The following SYNPO2 variants were observed in gnomAD, a reference collection of about 807,000 sequenced individuals.
SYNPO2 encodes synaptopodin-2.
SYNPO2 carries 56 observed loss-of-function variants against 85.0 expected under a neutral mutation model. That is an observed-to-expected ratio of 0.66 (90% confidence interval 0.53 to 0.82). SYNPO2 has a LOEUF of 0.82. Among genes scored for constraint, SYNPO2 ranks in the 40% least tolerant of loss-of-function variants. The pLI, the probability that SYNPO2 is intolerant of heterozygous loss-of-function variation, is 0.00. For synonymous variants in SYNPO2, 602 were observed against 591.1 expected (o/e 1.02, Z -0.27); for missense variants, 1,575 against 1,534.2 (o/e 1.03, Z -0.44).
At position 119,057,772 on chromosome 4, in the gene SYNPO2, C is replaced by T; in HGVS notation, c.3624C>T (p.Ser1208=). Reference sequence around the variant, plus strand: ...ATGTCACAGCCAATAATAATATGTCCACCACCTCCCAATATGGTTCACAGT... The same window carrying T: ...ATGTCACAGCCAATAATAATATGTCTACCACCTCCCAATATGGTTCACAGT... The part of the protein sequence containing the change: ...EYNVTANNNM[S]TTSQYGSQLP... The change falls in exon 5 of 5, where the codon TCC becomes TCT. Residue 1208 remains serine, a synonymous_variant. Coordinates refer to ENST00000307142, the MANE Select transcript of SYNPO2 (RefSeq NM_133477.3). 2 of 1,614,062 alleles carry T rather than the reference C, an allele frequency of 1.2e-6. No homozygotes were observed. The highest frequency in any genetic ancestry group is 1.7e-6 in the Non-Finnish European group (2 of 1,180,000).
intron 1 of SYNPO2, among the ~76,000 whole-genome samples, chr4:119,014,534 T>C (rs1737453636): frequency 6.6e-6 from 1 of 152,230 alleles, no homozygotes; most frequent in Non-Finnish European, 1.5e-5. Context: ...TAACATGCAG[T>C]AGGTTTGCTA....
intron 1 of SYNPO2, among the ~76,000 whole-genome samples, chr4:118,938,068 C>T (rs1473200804): frequency 6.6e-6 from 1 of 152,070 alleles, no homozygotes; most frequent in Non-Finnish European, 1.5e-5. Context: ...TTTGGAAGGC[C>T]GAGGCAGGTA....
At chr4:118,883,532 G>T (rs538453974) in intron 1 of SYNPO2, among the ~76,000 whole-genome samples, 65 of 152,222 alleles carry the variant, frequency 4.3e-4, no homozygotes, top group African/African-American at 1.6e-3. Flanking sequence ...GATAGAATGG[G>T]TATTATTTGT....
intron 1 of SYNPO2, among the ~76,000 whole-genome samples, chr4:118,935,260 C>T (rs1305854342): frequency 6.6e-6 from 1 of 152,124 alleles, no homozygotes; most frequent in African/African-American, 2.4e-5. Flanking sequence ...ATAACTTTAA[C>T]AGCAGCTTGC....
intron 1 of SYNPO2, among the ~76,000 whole-genome samples, chr4:118,925,207 A>C (rs1733672699): frequency 6.6e-6 from 1 of 152,282 alleles, no homozygotes; most frequent in South Asian, 2.1e-4. Flanking sequence ...TGTTTTAGGG[A>C]GACATGAGGA....
intron 1 of SYNPO2, among the ~76,000 whole-genome samples, chr4:118,931,973 G>C (rs1733946194): frequency 6.6e-6 from 1 of 152,148 alleles, no homozygotes; most frequent in Non-Finnish European, 1.5e-5. Context: ...ATTTCTACTT[G>C]TTTTAAACTC....
chr4:118,888,845 C>A, upstream of SYNPO2: 1 of 622,638 alleles, frequency 1.6e-6, no homozygotes, highest in South Asian at 1.9e-5. Flanking sequence ...GAGAATGAGC[C>A]CATTAGCCGC....
intron 4 of SYNPO2, chr4:119,035,837 A>G (rs1738489514): frequency 1.2e-5 from 12 of 978,224 alleles, no homozygotes; most frequent in Non-Finnish European, 1.3e-5. Flanking sequence ...AAAAAAAAAC[A>G]CCTGATCTAC....
rs1236777833 is a variant in SYNPO2, at chr4:119,026,930, G to T, written c.561G>T (p.Lys187Asn). 5.0e-6 allele frequency: 8 copies of T among 1,614,054 alleles called. No homozygotes were observed. Among genetic ancestry groups the T allele is most frequent in the African/African-American group, 1.3e-5 (1 of 74,906 alleles). Reference protein sequence around the residue: ...RVAEELILREKVEAVQPGPVV... With the variant: ...RVAEELILRENVEAVQPGPVV... ...CAGAAGAGCTGATCTTAAGGGAGAA[G>T]GTAGAAGCGGTACAGCCTGGGCCTG... is the stretch of plus-strand genomic sequence containing the variant. The change falls in exon 3 of 5, where the codon AAG becomes AAT. Residue 187 changes from lysine (K) to asparagine (N), a missense_variant. This residue lies in a region of SYNPO2 where 1,508 missense variants were observed against 1,446.8 expected (regional missense o/e 1.04). Transcript: ENST00000307142.
intron 1 of SYNPO2, among the ~76,000 whole-genome samples, chr4:118,863,853 C>T (rs116149492): frequency 2.6e-5 from 4 of 152,298 alleles, no homozygotes; most frequent in African/African-American, 7.2e-5. Context: ...GTAATCCACC[C>T]GCTTCAGCCT....
At chr4:118,992,135 C>T (rs1179083050) in intron 1 of SYNPO2, among the ~76,000 whole-genome samples, 8 of 152,072 alleles carry the variant, frequency 5.3e-5, no homozygotes, top group African/African-American at 1.9e-4. Flanking sequence ...GGGGATCTTG[C>T]TTGTATGATA....
At chr4:119,018,622 A>G (rs1443117409) in intron 1 of SYNPO2, among the ~76,000 whole-genome samples, 1 of 152,066 alleles carries the variant, frequency 6.6e-6, no homozygotes, top group African/African-American at 2.4e-5. Flanking sequence ...CTTTTTGATA[A>G]AAGATAGAGA....
At chr4:118,915,021 A>C (rs1733265762) in intron 1 of SYNPO2, among the ~76,000 whole-genome samples, 2 of 151,600 alleles carry the variant, frequency 1.3e-5, no homozygotes, top group South Asian at 2.1e-4. Flanking sequence ...CAAAAAAAAA[A>C]ACAGAAAAAT....
At chr4:118,898,577 A>ATT (rs574340399) in intron 1 of SYNPO2, among the ~76,000 whole-genome samples, 2 of 152,160 alleles carry the variant, frequency 1.3e-5, no homozygotes, top group South Asian at 4.2e-4. Context: ...TCCTACAATC[A>ATT]TTTTTTTTAA....
At chr4:118,896,494 C>T (rs1429640757) in intron 1 of SYNPO2, among the ~76,000 whole-genome samples, 1 of 152,172 alleles carries the variant, frequency 6.6e-6, no homozygotes, top group African/African-American at 2.4e-5. Context: ...GAAGAGTAAA[C>T]ACCTTCATGA....
chr4:118,869,722 G>T (rs1256755337), intron 1 of SYNPO2, among the ~76,000 whole-genome samples: 2 of 152,124 alleles, frequency 1.3e-5, no homozygotes, highest in African/African-American at 4.8e-5. Flanking sequence ...CTTACAACTG[G>T]GAGATAGGAC....
chr4:118,985,420 T>C lies in SYNPO2; in HGVS notation c.106-38010T>C, dbSNP rs111431938. Among the ~76,000 whole-genome samples, 797 of 152,314 alleles carry C rather than the reference T, an allele frequency of 5.2e-3. 8 individuals are homozygous for C. Among genetic ancestry groups the C allele is most frequent in the African/African-American group, 0.018 (760 of 41,560 alleles). ...TGGAAGCTGTCTGGTGCTGGCACAT[T>C]TTGATGGAAGAGGGATGCCTCAGAC... On this transcript the variant is annotated intron_variant, in intron 1 of 4. Transcript: ENST00000307142.
chr4:118,980,521 C>G (rs1449164513), intron 1 of SYNPO2, among the ~76,000 whole-genome samples: 2 of 152,124 alleles, frequency 1.3e-5, no homozygotes, highest in Admixed American at 1.3e-4. Context: ...TTCCCCAGCA[C>G]ACACCCACAC....
At chr4:119,050,329 T>C (rs1187701458) in intron 4 of SYNPO2, among the ~76,000 whole-genome samples, 1 of 150,034 alleles carries the variant, frequency 6.7e-6, no homozygotes, top group East Asian at 1.9e-4. Context: ...CGAGATTCTG[T>C]CTCAAAAAAA....
Sources: gnomAD v4.1 joint callset for allele counts (sites outside exome capture counted in the v4.1 genomes callset) on GRCh38, gnomAD v4.1.1 for gene constraint, gnomAD v4.1.1 regional missense constraint, MANE v1.5 for transcripts, NCBI Gene and HGNC (gene_info 2026-07-23, HGNC 2026-07-21) for gene names.